The following IMMP2L variants were observed in gnomAD, a reference collection of about 807,000 sequenced individuals.
IMMP2L encodes the protein mitochondrial inner membrane protease subunit 2.
IMMP2L carries 18 observed loss-of-function variants against 19.3 expected under a neutral mutation model. The ratio of observed to expected loss-of-function variants is 0.93; its 90% CI spans 0.64 to 1.38. The LOEUF is 1.38. Ranked by LOEUF, IMMP2L falls within the 40% of genes most tolerant of loss-of-function variation. IMMP2L has a pLI of 0.00. For synonymous variants in IMMP2L, 76 were observed against 73.0 expected (o/e 1.04, Z -0.21); for missense variants, 233 against 218.2 (o/e 1.07, Z -0.43).
At chr7:111,479,424 C>A (rs1056321095) in intron 3 of IMMP2L, among the ~76,000 whole-genome samples, 2 of 152,126 alleles carry the variant, frequency 1.3e-5, no homozygotes, top group African/African-American at 4.8e-5. Context: ...CAGCCACTGA[C>A]TGATCTGTGG....
intron 3 of IMMP2L, among the ~76,000 whole-genome samples, chr7:111,408,217 A>G (rs952592799): frequency 2.7e-5 from 4 of 149,506 alleles, no homozygotes; most frequent in South Asian, 2.1e-4. Flanking sequence ...AGATTTTCCA[A>G]TAAGTGACCA....
intron 3 of IMMP2L, among the ~76,000 whole-genome samples, chr7:111,154,337 A>G (rs1257340381): frequency 6.6e-6 from 1 of 152,136 alleles, no homozygotes; most frequent in African/African-American, 2.4e-5. Context: ...AAGGGTAGAT[A>G]GGCATTAGCA....
At chr7:111,488,133 A>G (rs1200910617) in intron 2 of IMMP2L, among the ~76,000 whole-genome samples, 1 of 152,182 alleles carries the variant, frequency 6.6e-6, no homozygotes, top group Non-Finnish European at 1.5e-5. Flanking sequence ...GAACAGGGGG[A>G]CAAAATAATT....
At chr7:110,866,190 A>G (rs1301625527) in intron 5 of IMMP2L, among the ~76,000 whole-genome samples, 1 of 151,804 alleles carries the variant, frequency 6.6e-6, no homozygotes, top group Non-Finnish European at 1.5e-5. Flanking sequence ...CTGTTACTCT[A>G]CTTTAGGAAA....
chr7:110,919,648 C>G (rs190061083), intron 4 of IMMP2L, among the ~76,000 whole-genome samples: 26 of 151,378 alleles, frequency 1.7e-4, no homozygotes, highest in African/African-American at 5.9e-4. Context: ...TTGAAATGTG[C>G]GCATTTTCTT....
chr7:111,029,209 C>G (rs1446910347), intron 3 of IMMP2L, among the ~76,000 whole-genome samples: 1 of 152,096 alleles, frequency 6.6e-6, no homozygotes, highest in East Asian at 1.9e-4. Flanking sequence ...AACCTAGGTA[C>G]AACACAGAGT....
intron 4 of IMMP2L, among the ~76,000 whole-genome samples, chr7:110,913,114 T>C (rs543415627): frequency 3.9e-5 from 6 of 152,264 alleles, no homozygotes; most frequent in Admixed American, 6.5e-5. Flanking sequence ...TTAGGATTAC[T>C]AGGATATGTT....
intron 3 of IMMP2L, among the ~76,000 whole-genome samples, chr7:111,450,506 A>G (rs1039661534): frequency 6.6e-6 from 1 of 151,598 alleles, no homozygotes; most frequent in Non-Finnish European, 1.5e-5. Flanking sequence ...GGCTAGCCAT[A>G]TGTAGAAAGC....
intron 5 of IMMP2L, among the ~76,000 whole-genome samples, chr7:110,675,363 C>A (rs959939849): frequency 6.6e-6 from 1 of 151,722 alleles, no homozygotes; most frequent in African/African-American, 2.4e-5. Flanking sequence ...CTTTGTCAGG[C>A]TCAAAAAAAA....
chr7:110,787,785 T>C (rs1253227267), intron 5 of IMMP2L, among the ~76,000 whole-genome samples: 2 of 151,892 alleles, frequency 1.3e-5, no homozygotes, highest in African/African-American at 2.4e-5. Context: ...GCAAAATCCT[T>C]GCCCTCATAG....
At chr7:111,180,468 G>A (rs940395112) in intron 3 of IMMP2L, among the ~76,000 whole-genome samples, 1 of 151,962 alleles carries the variant, frequency 6.6e-6, no homozygotes, top group Non-Finnish European at 1.5e-5. Flanking sequence ...GAGGTTTGTG[G>A]TGCCCTGAAA....
chr7:111,403,017 C>G, intron 3 of IMMP2L, among the ~76,000 whole-genome samples: 1 of 118,520 alleles, frequency 8.4e-6, no homozygotes, highest in Non-Finnish European at 1.8e-5. Context: ...CCGCCAGGCT[C>G]AGGTGATCCT....
chr7:111,551,851 G>A (rs1243345264), intron 1 of IMMP2L, among the ~76,000 whole-genome samples: 1 of 152,088 alleles, frequency 6.6e-6, no homozygotes, highest in East Asian at 1.9e-4. Flanking sequence ...TGAATAGGAG[G>A]AAATATAGCC....
chr7:110,942,038 T>C (rs1816789845), intron 4 of IMMP2L, among the ~76,000 whole-genome samples: 1 of 151,978 alleles, frequency 6.6e-6, no homozygotes, highest in Non-Finnish European at 1.5e-5. Context: ...CAGTTTTGTT[T>C]TAGTGTACAG....
At chr7:111,398,882 CAA>C (rs756718840) in intron 3 of IMMP2L, among the ~76,000 whole-genome samples, 29 of 104,680 alleles carry the variant, frequency 2.8e-4, no homozygotes, top group Admixed American at 3.0e-4. Context: ...ACAATAGCTG[CAA>C]AAAAAAAAAA....
chr7:111,441,429 G>A (rs769678203), intron 3 of IMMP2L, among the ~76,000 whole-genome samples: 5 of 151,702 alleles, frequency 3.3e-5, no homozygotes, highest in Non-Finnish European at 7.4e-5. Context: ...AGGGGAGGGA[G>A]AGAGATGGAG....
At chr7:111,011,317 A>G (rs1824929133) in intron 3 of IMMP2L, among the ~76,000 whole-genome samples, 1 of 152,172 alleles carries the variant, frequency 6.6e-6, no homozygotes, top group African/African-American at 2.4e-5. Flanking sequence ...CTAAGTGGTC[A>G]GACTATATAC....
Position 110,712,983 on chromosome 7 carries a change from G to T in IMMP2L, c.409-49262C>A, listed in dbSNP as rs188250602. ...ATCACCCGTCTTCTGCGTCACTCAC[G>T]CTGGGAGCTGTAGACCGGAGCTGTT... On this transcript the variant is annotated intron_variant, in intron 5 of 5. Transcript: ENST00000405709. 1.7e-4 allele frequency among the ~76,000 whole-genome samples: 26 copies of T among 151,854 alleles called. 1 individual carries two copies. The highest frequency in any genetic ancestry group is 1.6e-3 in the Admixed American group (24 of 15,254).
intron 4 of IMMP2L, among the ~76,000 whole-genome samples, chr7:110,944,832 T>A (rs1449531469): frequency 4.0e-5 from 6 of 151,894 alleles, no homozygotes; most frequent in Non-Finnish European, 8.8e-5. Flanking sequence ...CTCTTAACCA[T>A]CCTAGAGAAA....
Sources: gnomAD v4.1 joint callset for allele counts (sites outside exome capture counted in the v4.1 genomes callset) on GRCh38, gnomAD v4.1.1 for gene constraint, MANE v1.5 for transcripts, NCBI Gene and HGNC (gene_info 2026-07-23, HGNC 2026-07-21) for gene names.